SEC63: variants seen among roughly 807,000 people sequenced by gnomAD.
The protein encoded by SEC63 is SEC63 protein translocation regulator.
Under a neutral mutation model 116.2 loss-of-function variants are expected in SEC63, and 56 were observed. That is an observed-to-expected ratio of 0.48 (90% CI 0.39 to 0.60). SEC63 has a LOEUF of 0.60. Among genes scored for constraint, SEC63 ranks in the 20% least tolerant of loss-of-function variants. The pLI is 0.00. For synonymous variants in SEC63, 273 were observed against 294.6 expected (o/e 0.93, Z 0.75); for missense variants, 668 against 900.0 (o/e 0.74, Z 3.30).
intron 7 of SEC63, among the ~76,000 whole-genome samples, chr6:107,909,923 T>C (rs116895108): frequency 6.6e-6 from 1 of 152,308 alleles, no homozygotes; most frequent in East Asian, 1.9e-4. Context: ...TATCTCCGTA[T>C]TATAGTATTA....
Position 107,871,064 on chromosome 6 carries a change from A to G in SEC63, c.*640T>C, listed in dbSNP as rs936609766. ...AGGTTTAGAAATGGTTTAAGCCATT[A>G]AAAGCCATTTTTATAATCTGTCTGA... On this transcript the variant is annotated 3_prime_UTR_variant, in exon 21 of 21. Coordinates refer to ENST00000369002, the MANE Select transcript of SEC63 (RefSeq NM_007214.5). 4 of 154,122 alleles carry G rather than the reference A, an allele frequency of 2.6e-5. No individual in the cohort carries two copies. Among genetic ancestry groups the G allele is most frequent in the Admixed American group, 2.6e-4 (4 of 15,468 alleles). The allele number at this position is 154,122 out of a possible 1,614,324, so 9.5% of individuals were successfully genotyped here.
chr6:107,930,700 CTT>C (rs1787781543), intron 1 of SEC63, among the ~76,000 whole-genome samples: 1 of 151,552 alleles, frequency 6.6e-6, no homozygotes, highest in South Asian at 2.1e-4. Flanking sequence ...ACCCGTAAAA[CTT>C]AGGTTTATGG....
intron 1 of SEC63, among the ~76,000 whole-genome samples, chr6:107,949,081 T>C (rs1770530756): frequency 6.6e-6 from 1 of 152,184 alleles, no homozygotes; most frequent in South Asian, 2.1e-4. Flanking sequence ...AAAAGGGAAG[T>C]TTCCCTTGGC....
Position 107,902,554 on chromosome 6 carries a change from TAG to T in SEC63, c.1209+288_1209+289del, listed in dbSNP as rs565767199. Among the ~76,000 whole-genome samples the T allele has an allele frequency of 1.9e-3, 283 of 152,276 alleles. 1 individual carries two copies. The highest frequency in any genetic ancestry group is 6.2e-3 in the African/African-American group (256 of 41,576). ...AGCCAAGAATAAAATGACTGTAAAG[TAG>T]ACAGTACATTTATTTTTGGTAACAT... On this transcript the variant is annotated intron_variant, in intron 12 of 20. Coordinates refer to ENST00000369002, the MANE Select transcript of SEC63 (RefSeq NM_007214.5).
chr6:107,947,484 G>T (rs1770500846), intron 1 of SEC63, among the ~76,000 whole-genome samples: 1 of 151,888 alleles, frequency 6.6e-6, no homozygotes, highest in Admixed American at 6.6e-5. Context: ...GAGGCAGAAG[G>T]ATGGCTCAGC....
At chr6:107,904,281 G>A (rs1187316284) in intron 11 of SEC63, among the ~76,000 whole-genome samples, 8 of 151,434 alleles carry the variant, frequency 5.3e-5, no homozygotes, top group South Asian at 2.1e-4. Flanking sequence ...GTGGTGGTAC[G>A]CGCCTGTAAT....
chr6:107,946,553 C>T (rs1218382603), intron 1 of SEC63, among the ~76,000 whole-genome samples: 2 of 152,150 alleles, frequency 1.3e-5, no homozygotes, highest in African/African-American at 4.8e-5. Context: ...TTTATAAAAC[C>T]TTCATGTTGT....
intron 1 of SEC63, among the ~76,000 whole-genome samples, chr6:107,931,501 AT>A (rs1356417794): frequency 3.2e-4 from 43 of 135,636 alleles, no homozygotes; most frequent in African/African-American, 1.0e-3. Context: ...AAAAAAAAAA[AT>A]GTATTGGGAG....
rs913834798 is a variant in SEC63 at position 107,954,069 on chromosome 6, T to C, written c.124+3817A>G. Among the ~76,000 whole-genome samples, 11 of 152,326 alleles carry C rather than the reference T, an allele frequency of 7.2e-5. No homozygotes were observed. The East Asian group carries it at 1.2e-3, about 16-fold the overall frequency. On this transcript the variant is annotated intron_variant, in intron 1 of 20. Transcript: ENST00000369002. The stretch of plus-strand genomic sequence containing the variant: ...GGATTGGGAAATCGGATGGTTGCCA[T>C]GTCTGTGTAGAAAGAGGTAGACACG...
chr6:107,920,996 A>G (rs1473569659), intron 4 of SEC63, among the ~76,000 whole-genome samples: 1 of 152,358 alleles, frequency 6.6e-6, no homozygotes, highest in Non-Finnish European at 1.5e-5. Context: ...ACAGTTTCTG[A>G]GCAGTGAAAA....
intron 1 of SEC63, among the ~76,000 whole-genome samples, chr6:107,943,462 CA>C (rs1036631039): frequency 6.6e-6 from 1 of 152,130 alleles, no homozygotes; most frequent in African/African-American, 2.4e-5. Flanking sequence ...AGTTCTTCTG[CA>C]AAACATTTTC....
intron 2 of SEC63, among the ~76,000 whole-genome samples, chr6:107,926,317 T>C (rs189603649): frequency 4.5e-4 from 69 of 152,366 alleles, no homozygotes; most frequent in South Asian, 1.9e-3. Context: ...GAATGACTTT[T>C]ATTTCTTATA....
intron 1 of SEC63, among the ~76,000 whole-genome samples, chr6:107,941,816 C>G (rs145317647): frequency 5.0e-4 from 76 of 152,298 alleles, no homozygotes; most frequent in African/African-American, 1.7e-3. Flanking sequence ...GCAGTGTTGA[C>G]GATACCTGGT....
At chr6:107,947,466 G>A (rs1416692384) in intron 1 of SEC63, among the ~76,000 whole-genome samples, 2 of 151,784 alleles carry the variant, frequency 1.3e-5, no homozygotes, top group African/African-American at 2.4e-5. Flanking sequence ...CTAGCTACTC[G>A]GGAGGCTGAG....
rs1200484702 is a variant in SEC63 at position 107,958,053 on chromosome 6, G to A, written c.-44C>T. On this transcript the variant is annotated 5_prime_UTR_variant, in exon 1 of 21. Coordinates refer to ENST00000369002, the MANE Select transcript of SEC63 (RefSeq NM_007214.5). ...TCGCTCTTCTCACCGCCGCCGCCAC[G>A]ACCACGCTCTGCACTCCCGCTCCCA... 1.2e-6 allele frequency: 2 copies of A among 1,601,350 alleles called. No homozygotes were observed. Among genetic ancestry groups the A allele is most frequent in the Non-Finnish European group, 1.7e-6 (2 of 1,171,690 alleles).
rs747897071 is a variant in SEC63, at chr6:107,929,460, C to T, written c.179G>A (p.Arg60His). ...RKVYGRCMWY[R>H]LRLLKPQPNI... ...TGGCTGGGGTTTTAATAACCGTAAACGATACCACATACACCTTCCATATAC... is the reference window on the plus strand; with the variant it reads ...TGGCTGGGGTTTTAATAACCGTAAATGATACCACATACACCTTCCATATAC... The change falls in exon 2 of 21, where the codon CGT (arginine) becomes CAT (histidine). Residue 60 changes from arginine to histidine, a missense_variant. Arg to His is a conservative substitution (Grantham distance 29). This residue lies in a region of SEC63 where 142 missense variants were observed against 169.5 expected (regional missense o/e 0.84). Transcript: ENST00000369002. The T allele has an allele frequency of 5.5e-5, 88 of 1,602,088 alleles. No individual in the cohort carries two copies. Among genetic ancestry groups the T allele is most frequent in the Middle Eastern group, 1.7e-4 (1 of 6,058 alleles).
intron 14 of SEC63, among the ~76,000 whole-genome samples, chr6:107,895,613 A>G (rs72937353): frequency 0.033 from 4,950 of 152,210 alleles, 117 homozygotes; most frequent in Non-Finnish European, 0.049. Context: ...TGTGGCATGT[A>G]TTTCTTGCAG....
chr6:107,917,160 T>C (rs1022646986), intron 4 of SEC63, among the ~76,000 whole-genome samples: 1 of 152,246 alleles, frequency 6.6e-6, no homozygotes, highest in Non-Finnish European at 1.5e-5. Context: ...CTTAAGGACA[T>C]GCTCCTGCTG....
intron 1 of SEC63, among the ~76,000 whole-genome samples, chr6:107,934,431 G>A (rs1335544980): frequency 1.1e-4 from 16 of 144,960 alleles, no homozygotes; most frequent in Non-Finnish European, 2.1e-4. Flanking sequence ...TGGGATGTGA[G>A]AGTGCCCGGC....
Sources: allele counts gnomAD v4.1 joint callset (sites outside exome capture counted in the v4.1 genomes callset), GRCh38; gene constraint gnomAD v4.1.1; regional missense constraint gnomAD v4.1.1; transcripts MANE v1.5; gene names NCBI Gene and HGNC (gene_info 2026-07-23, HGNC 2026-07-21).